The following ELF2 variants were observed in gnomAD, a reference collection of about 807,000 sequenced individuals.
ELF2 encodes the protein ETS-related transcription factor Elf-2.
Under a neutral mutation model 54.8 loss-of-function variants are expected in ELF2, and 11 were observed. That is an observed-to-expected ratio of 0.20 (90% CI 0.13 to 0.33). The LOEUF (loss-of-function observed/expected upper bound fraction) is 0.33. ELF2 is among the 10% of genes least tolerant of loss of function. The pLI, the probability that ELF2 is intolerant of heterozygous loss-of-function variation, is 1.00. For missense variants in ELF2, 513 were observed against 703.0 expected, an observed-to-expected ratio of 0.73 and a Z score of 3.06; for synonymous variants, 203 against 245.1, an observed-to-expected ratio of 0.83 and a Z score of 1.61.
intron 5 of ELF2, among the ~76,000 whole-genome samples, chr4:139,072,802 CTGAG>C (rs1185645400): frequency 1.3e-5 from 2 of 152,180 alleles, no homozygotes; most frequent in African/African-American, 4.8e-5. Context: ...TCTCATATCT[CTGAG>C]TAATACACAG....
intron 4 of ELF2, among the ~76,000 whole-genome samples, chr4:139,113,394 G>A (rs545833468): frequency 1.3e-5 from 2 of 152,170 alleles, no homozygotes; most frequent in African/African-American, 4.8e-5. Flanking sequence ...AGTGGCTCAC[G>A]CCTGTAATCC....
At chr4:139,102,947 C>T (rs1734061028) in intron 4 of ELF2, among the ~76,000 whole-genome samples, 1 of 152,050 alleles carries the variant, frequency 6.6e-6, no homozygotes, top group South Asian at 2.1e-4. Context: ...GTCAGGATCA[C>T]AGCTCACTGC....
At chr4:139,163,656 G>A (rs1741392205) in intron 1 of ELF2, among the ~76,000 whole-genome samples, 2 of 152,166 alleles carry the variant, frequency 1.3e-5, no homozygotes, top group African/African-American at 4.8e-5. Flanking sequence ...GCTCATGGCT[G>A]TAATCCCAGC....
chr4:139,071,461 A>G (rs1489010596), intron 6 of ELF2, among the ~76,000 whole-genome samples: 2 of 152,042 alleles, frequency 1.3e-5, no homozygotes, highest in African/African-American at 2.4e-5. Context: ...AAAAATATCC[A>G]TGAAAGCAAG....
Position 139,060,473 on chromosome 4 carries a change from A to G in ELF2, c.1008T>C (p.Ser336=), listed in dbSNP as rs140250412. The G allele has an allele frequency of 1.9e-6, 3 of 1,614,090 alleles. No individual in the cohort carries two copies. The African/African-American group carries it at 4.0e-5, about 22-fold the overall frequency. ...SAESLLKAAS[S]VRSGKNSSPI... ...GGGATGAATTTTTTCCACTGCGAACAGAGGATGCTGCTTTCAGGAGACTTT... is the reference window on the plus strand; with the variant it reads ...GGGATGAATTTTTTCCACTGCGAACGGAGGATGCTGCTTTCAGGAGACTTT... The change falls in exon 9 of 10, where the codon TCT becomes TCC. Residue 336 remains serine, a synonymous_variant. Coordinates refer to ENST00000686138, the MANE Select transcript of ELF2 (RefSeq NM_001331036.3).
intron 1 of ELF2, among the ~76,000 whole-genome samples, chr4:139,152,714 ATT>A (rs1409785428): frequency 6.6e-6 from 1 of 152,082 alleles, no homozygotes; most frequent in African/African-American, 2.4e-5. Context: ...ACCCTTAGTC[ATT>A]TAACTGATGA....
At chr4:139,125,820 G>A (rs1032568770) in intron 3 of ELF2, among the ~76,000 whole-genome samples, 2 of 150,038 alleles carry the variant, frequency 1.3e-5, no homozygotes, top group Non-Finnish European at 3.0e-5. Flanking sequence ...ACAACACACT[G>A]TACAGTGTAG....
intron 1 of ELF2, among the ~76,000 whole-genome samples, chr4:139,150,414 C>T (rs1181054876): frequency 6.6e-6 from 1 of 151,158 alleles, no homozygotes; most frequent in Non-Finnish European, 1.5e-5. Flanking sequence ...ACCTGTAGTC[C>T]CGGCTGAGGT....
At chr4:139,164,753 T>G (rs1189652201) in intron 1 of ELF2, among the ~76,000 whole-genome samples, 1 of 152,208 alleles carries the variant, frequency 6.6e-6, no homozygotes, top group Non-Finnish European at 1.5e-5. Flanking sequence ...TTCAGAAATC[T>G]GTTTCTTTAA....
At chr4:139,086,134 T>A (rs751235159) in intron 4 of ELF2, among the ~76,000 whole-genome samples, 2 of 152,172 alleles carry the variant, frequency 1.3e-5, no homozygotes, top group Admixed American at 1.3e-4. Flanking sequence ...TTTTTTAATG[T>A]CAAAGGTAAA....
intron 3 of ELF2, among the ~76,000 whole-genome samples, chr4:139,135,777 C>T (rs1738089660): frequency 6.6e-6 from 1 of 152,176 alleles, no homozygotes; most frequent in African/African-American, 2.4e-5. Context: ...TTCTGACTTC[C>T]TTTATAAAAT....
At chr4:139,171,415 C>T (rs1742296653) in intron 1 of ELF2, among the ~76,000 whole-genome samples, 1 of 151,812 alleles carries the variant, frequency 6.6e-6, no homozygotes, top group Admixed American at 6.6e-5. Context: ...GAATGCTAAG[C>T]TTGTGGGAAT....
At chr4:139,151,011 G>A (rs1188780058) in intron 1 of ELF2, among the ~76,000 whole-genome samples, 7 of 111,152 alleles carry the variant, frequency 6.3e-5, no homozygotes, top group Admixed American at 4.7e-4. Flanking sequence ...GTGACGGAAC[G>A]AGGCTCCATC....
chr4:139,146,409 A>G (rs2148875595), intron 1 of ELF2, among the ~76,000 whole-genome samples: 1 of 152,354 alleles, frequency 6.6e-6, no homozygotes, highest in East Asian at 1.9e-4. Flanking sequence ...TCCCATGCTC[A>G]TGGATTGGAA....
intron 4 of ELF2, chr4:139,084,254 G>A (rs1731649100): frequency 2.5e-6 from 4 of 1,607,758 alleles, no homozygotes; most frequent in South Asian, 1.1e-5. Context: ...GGCGGCAGGG[G>A]AGGAGGCGGA....
Position 139,143,374 on chromosome 4 carries a change from C to T in ELF2, c.-251-3877G>A, listed in dbSNP as rs1027768401. 1.1e-4 allele frequency among the ~76,000 whole-genome samples: 16 copies of T among 152,206 alleles called. 1 individual carries two copies. The highest frequency in any genetic ancestry group is 3.4e-4 in the African/African-American group (14 of 41,456). On this transcript the variant is annotated intron_variant, in intron 1 of 9. Coordinates refer to ENST00000686138, the MANE Select transcript of ELF2 (RefSeq NM_001331036.3). ...AAATGAGTAGATATTATTGTTATGCCTCCCTTCACTGTTGCAAGCTTCTCC... is the reference window on the plus strand; with the variant it reads ...AAATGAGTAGATATTATTGTTATGCTTCCCTTCACTGTTGCAAGCTTCTCC...
chr4:139,124,049 GTTTA>G (rs147700111), intron 4 of ELF2, among the ~76,000 whole-genome samples: 4,075 of 152,126 alleles, frequency 0.027, 92 homozygotes, highest in African/African-American at 0.064. Context: ...CTGGTTTTTT[GTTTA>G]TTTGTTTAGA....
intron 9 of ELF2, 97 bp downstream of exon 9, chr4:139,060,227 T>C (rs1272997836): frequency 5.3e-6 from 6 of 1,126,340 alleles, no homozygotes; most frequent in Non-Finnish European, 7.4e-6. Context: ...CACTGGGTTC[T>C]TAGAACACTA....
At chr4:139,121,025 A>C (rs1020884240) in intron 4 of ELF2, among the ~76,000 whole-genome samples, 1 of 151,872 alleles carries the variant, frequency 6.6e-6, no homozygotes, top group Admixed American at 6.6e-5. Flanking sequence ...CCCTCTTCAG[A>C]AAATTCCTTT....
Sources: allele counts gnomAD v4.1 joint callset (sites outside exome capture counted in the v4.1 genomes callset), GRCh38; gene constraint gnomAD v4.1.1; transcripts MANE v1.5; gene names NCBI Gene and HGNC (gene_info 2026-07-23, HGNC 2026-07-21).